CNTNAP5: variants seen among roughly 807,000 people sequenced by gnomAD.
The protein encoded by CNTNAP5 is contactin associated protein family member 5.
CNTNAP5 carries 72 observed loss-of-function variants against 150.2 expected under a neutral mutation model. The ratio of observed to expected loss-of-function variants is 0.48; its 90% CI spans 0.40 to 0.58. The LOEUF is 0.58. Among genes scored for constraint, CNTNAP5 ranks in the 20% least tolerant of loss-of-function variants. The pLI is 0.00. For missense variants in CNTNAP5, 1,636 were observed against 1,626.2 expected (o/e 1.01, Z -0.10); for synonymous variants, 672 against 619.8 (o/e 1.08, Z -1.25).
chr2:124,375,505 A>G (rs1690623886), intron 3 of CNTNAP5, among the ~76,000 whole-genome samples: 1 of 152,126 alleles, frequency 6.6e-6, no homozygotes, highest in Non-Finnish European at 1.5e-5. Flanking sequence ...ACAAAGAAAG[A>G]CTGACAAGAC....
At chr2:124,538,069 A>G (rs982783190) in intron 10 of CNTNAP5, among the ~76,000 whole-genome samples, 6 of 152,194 alleles carry the variant, frequency 3.9e-5, no homozygotes, top group Admixed American at 2.0e-4. Context: ...CGAGGAGTTC[A>G]TTTCAAGTGC....
chr2:124,209,348 A>G (rs1685946471), intron 1 of CNTNAP5, among the ~76,000 whole-genome samples: 1 of 152,204 alleles, frequency 6.6e-6, no homozygotes, highest in African/African-American at 2.4e-5. Flanking sequence ...CATCTGTCAA[A>G]TGGTCACCAT....
At chr2:124,898,239 G>A (rs1458341180) in intron 21 of CNTNAP5, among the ~76,000 whole-genome samples, 6 of 151,328 alleles carry the variant, frequency 4.0e-5, no homozygotes, top group Non-Finnish European at 7.4e-5. Context: ...GTATGGTTTT[G>A]TGTTGTTACA....
chr2:124,426,036 T>C (rs1033463176), intron 4 of CNTNAP5, among the ~76,000 whole-genome samples: 1 of 152,146 alleles, frequency 6.6e-6, no homozygotes, highest in African/African-American at 2.4e-5. Context: ...ATCTGAAATA[T>C]CTAAAAACAA....
intron 11 of CNTNAP5, among the ~76,000 whole-genome samples, chr2:124,606,688 A>C (rs893399690): frequency 4.6e-5 from 7 of 152,216 alleles, no homozygotes; most frequent in African/African-American, 1.7e-4. Context: ...AAGGAGGAAC[A>C]ATTCACATCT....
At chr2:124,105,042 T>C (rs6756557) in intron 1 of CNTNAP5, among the ~76,000 whole-genome samples, 110 of 125,598 alleles carry the variant, frequency 8.8e-4, no homozygotes, top group African/African-American at 2.8e-3. Flanking sequence ...GCTCTACACA[T>C]ATATAAGCAT....
At chr2:124,728,486 T>C (rs1419145485) in intron 13 of CNTNAP5, among the ~76,000 whole-genome samples, 1 of 152,070 alleles carries the variant, frequency 6.6e-6, no homozygotes, top group African/African-American at 2.4e-5. Flanking sequence ...TTCAGATTTA[T>C]TGATCATGTT....
intron 4 of CNTNAP5, among the ~76,000 whole-genome samples, chr2:124,426,993 A>C (rs2042657): frequency 0.98 from 149,242 of 152,270 alleles, 73,210 homozygotes; most frequent in East Asian, 1. Context: ...TCTAGAGAAG[A>C]CTGCCAATGT....
At chr2:124,890,614 C>T (rs531332154) in intron 21 of CNTNAP5, among the ~76,000 whole-genome samples, 20 of 152,224 alleles carry the variant, frequency 1.3e-4, no homozygotes, top group Non-Finnish European at 2.4e-4. Flanking sequence ...AATTGGTTGA[C>T]GTGGTGTGCA....
chr2:124,305,017 G>A (rs1270521548), intron 3 of CNTNAP5, among the ~76,000 whole-genome samples: 1 of 149,868 alleles, frequency 6.7e-6, no homozygotes, highest in African/African-American at 2.5e-5. Flanking sequence ...TGTAATCTCA[G>A]CACTCTGAGA....
chr2:124,776,159 C>G (rs988818020), intron 17 of CNTNAP5, among the ~76,000 whole-genome samples: 1 of 152,160 alleles, frequency 6.6e-6, no homozygotes, highest in Non-Finnish European at 1.5e-5. Context: ...TCATTCCCTC[C>G]AAACTTAACG....
chr2:124,601,588 G>A (rs1696984795), intron 11 of CNTNAP5, among the ~76,000 whole-genome samples: 1 of 152,138 alleles, frequency 6.6e-6, no homozygotes, highest in Non-Finnish European at 1.5e-5. Context: ...AGCAAAGAAA[G>A]GATCAAAGGT....
intron 3 of CNTNAP5, among the ~76,000 whole-genome samples, chr2:124,412,622 A>T (rs1344856563): frequency 6.8e-6 from 1 of 146,632 alleles, no homozygotes; most frequent in Non-Finnish European, 1.5e-5. Flanking sequence ...AAAAACAAGC[A>T]ATGGGGAAAG....
In CNTNAP5 at chr2:124,279,308, T is replaced by G. The variant is rs1687959751; in HGVS notation, c.381+36915T>G. 2.0e-5 allele frequency among the ~76,000 whole-genome samples: 3 copies of G among 152,016 alleles called. No individual in the cohort carries two copies. The South Asian group carries it at 6.2e-4, about 32-fold the overall frequency. On this transcript the variant is annotated intron_variant, in intron 3 of 23. Coordinates refer to ENST00000682447, the MANE Select transcript of CNTNAP5 (RefSeq NM_001367498.1). ...GCAGCCTGTCTTCCTATGTGTAGTTTCCACTAGGTTAAGAAACCTCAAGTC... is the reference window on the plus strand; with the variant it reads ...GCAGCCTGTCTTCCTATGTGTAGTTGCCACTAGGTTAAGAAACCTCAAGTC...
At chr2:124,827,043 C>T (rs1682609911) in intron 19 of CNTNAP5, among the ~76,000 whole-genome samples, 1 of 152,150 alleles carries the variant, frequency 6.6e-6, no homozygotes, top group African/African-American at 2.4e-5. Context: ...ATTTCAGTCT[C>T]TTGAGTCGCT....
rs770521168 is a variant in CNTNAP5 at position 124,869,679 on chromosome 2, A to G, written c.3353A>G (p.Asp1118Gly). 6 of 1,610,170 alleles carry G rather than the reference A, an allele frequency of 3.7e-6. No homozygotes were observed. The highest frequency in any genetic ancestry group is 3.3e-5 in the South Asian group (3 of 90,860). The change falls in exon 21 of 24, where the codon GAC becomes GGC. Residue 1118 changes from aspartate (D) to glycine (G), a missense_variant. Coordinates refer to ENST00000682447, the MANE Select transcript of CNTNAP5 (RefSeq NM_001367498.1). ...REGRELTIQMDQQLRLSYNFS... is the reference protein window; with the variant it reads ...REGRELTIQMGQQLRLSYNFS... ...TTGTTTTCTGTTTTCCTGCAGATGG[A>G]CCAGCAACTTCGACTCAGTTATAAC...
intron 1 of CNTNAP5, among the ~76,000 whole-genome samples, chr2:124,167,365 T>G (rs879638240): frequency 5.3e-5 from 8 of 152,172 alleles, no homozygotes; most frequent in Admixed American, 1.3e-4. Context: ...TCTTTTACAC[T>G]CCAGGGTCAG....
chr2:124,095,886 T>C (rs1682924051), intron 1 of CNTNAP5, among the ~76,000 whole-genome samples: 1 of 152,212 alleles, frequency 6.6e-6, no homozygotes, highest in African/African-American at 2.4e-5. Context: ...AACACTCTTA[T>C]GAGATAAACA....
chr2:124,353,286 CAAA>C (rs565907115), intron 3 of CNTNAP5, among the ~76,000 whole-genome samples: 35,864 of 88,604 alleles, frequency 0.4, 5,533 homozygotes, highest in Middle Eastern at 0.42. Flanking sequence ...AAAAACAGAC[CAAA>C]AAAAAAAAAA....
Sources: allele counts gnomAD v4.1 joint callset (sites outside exome capture counted in the v4.1 genomes callset), GRCh38; gene constraint gnomAD v4.1.1; transcripts MANE v1.5; gene names NCBI Gene and HGNC (gene_info 2026-07-23, HGNC 2026-07-21).